The following FGF13 variants were observed in gnomAD, a reference collection of about 807,000 sequenced individuals.
FGF13 encodes fibroblast growth factor 13.
A neutral mutation model predicts 19.5 loss-of-function variants in FGF13; 2 were observed. That is an observed-to-expected ratio of 0.10 (90% CI 0.04 to 0.32). The LOEUF (loss-of-function observed/expected upper bound fraction) is 0.32. Ranked by LOEUF, FGF13 falls within the 10% of genes least tolerant of loss-of-function variation. The probability of loss-of-function intolerance (pLI) is 1.00; values close to 1 mark genes in which losing one functional copy is unlikely to be tolerated. For synonymous variants in FGF13, 72 were observed against 76.9 expected, an observed-to-expected ratio of 0.94 and a Z score of 0.33; for missense variants, 113 against 192.7, an observed-to-expected ratio of 0.59 and a Z score of 2.45.
At chrX:138,869,574 G>A (rs935122454) in intron 1 of FGF13, among the ~76,000 whole-genome samples, 1 of 111,773 alleles carries the variant, frequency 8.9e-6, no homozygotes, top group African/African-American at 3.3e-5. Flanking sequence ...GTTCAATTTG[G>A]CCCCAACATT....
intron 1 of FGF13, among the ~76,000 whole-genome samples, chrX:138,931,242 A>G (rs1176039107): frequency 9.0e-6 from 1 of 110,856 alleles, no homozygotes. Flanking sequence ...TGAATATGAC[A>G]GAAAAGGGCT....
At chrX:138,685,018 A>G (rs891512276) in intron 3 of FGF13, among the ~76,000 whole-genome samples, 3 of 112,230 alleles carry the variant, frequency 2.7e-5, no homozygotes, top group Non-Finnish European at 3.8e-5. Context: ...AGGAAAATGA[A>G]CTACTAAATA....
intron 1 of FGF13, among the ~76,000 whole-genome samples, chrX:138,950,016 C>T (rs1487665499): frequency 8.9e-6 from 1 of 111,792 alleles, no homozygotes; most frequent in Non-Finnish European, 1.9e-5. Flanking sequence ...CCTCTCCCTC[C>T]CCATCCCCTA....
chrX:138,721,831 AATAC>A (rs1220326356), intron 1 of FGF13, among the ~76,000 whole-genome samples: 6 of 110,420 alleles, frequency 5.4e-5, no homozygotes, highest in African/African-American at 2.0e-4. Context: ...ACATATATTA[AATAC>A]ATATATATAT....
intron 3 of FGF13, among the ~76,000 whole-genome samples, chrX:138,681,229 T>G (rs1016675476): frequency 1.8e-5 from 2 of 111,037 alleles, no homozygotes; most frequent in African/African-American, 6.5e-5. Context: ...GCCACCTTCA[T>G]CAATGATCTT....
chrX:138,818,499 GAC>G (rs371760908), intron 3 of FGF13, among the ~76,000 whole-genome samples: 6,005 of 84,574 alleles, frequency 0.071, 163 homozygotes, highest in South Asian at 0.11. Context: ...TATATGCACA[GAC>G]ACACACACAC....
At chrX:139,054,184 G>A (rs1249398289) in intron 1 of FGF13, among the ~76,000 whole-genome samples, 2 of 92,410 alleles carry the variant, frequency 2.2e-5, no homozygotes, top group Admixed American at 2.5e-4. Flanking sequence ...GTGCAGTGGC[G>A]CGATCTCGGC....
chrX:138,808,441 A>C (rs1343116452), intron 3 of FGF13, among the ~76,000 whole-genome samples: 2 of 112,067 alleles, frequency 1.8e-5, no homozygotes, highest in Non-Finnish European at 3.8e-5. Flanking sequence ...CATTTAAAGC[A>C]GTGTGCAGAG....
rs772774958 is a variant in FGF13, at chrX:138,764,320, C to T, written c.218-55392G>A. ...TAAAATCACATTCTATTTTTCTGCC[C>T]GAAATAAAGTTTGGATATGGAGCAA... On this transcript the variant is annotated intron_variant, in intron 3 of 6. Coordinates refer to the FGF13 transcript ENST00000436198. Among the ~76,000 whole-genome samples the T allele has an allele frequency of 8.0e-5, 9 of 111,918 alleles. No homozygotes were observed. The East Asian group carries it at 2.0e-3, about 24-fold the overall frequency.
chrX:138,675,597 T>G (rs973141612), intron 3 of FGF13, among the ~76,000 whole-genome samples: 1 of 111,443 alleles, frequency 9.0e-6, no homozygotes, highest in African/African-American at 3.3e-5. Context: ...ATATTACAAA[T>G]TCTATTTACT....
At chrX:138,963,808 A>G (rs2091884475) in intron 1 of FGF13, among the ~76,000 whole-genome samples, 1 of 112,113 alleles carries the variant, frequency 8.9e-6, no homozygotes, top group African/African-American at 3.2e-5. Context: ...ATGTTTAAAA[A>G]AGCAGTGTAG....
intron 3 of FGF13, among the ~76,000 whole-genome samples, chrX:138,635,876 G>C (rs1344627983): frequency 8.9e-6 from 1 of 112,132 alleles, no homozygotes; most frequent in Non-Finnish European, 1.9e-5. Context: ...AAGTGCTATT[G>C]ATCAATGATT....
chrX:139,047,746 G>A (rs1227037243), intron 1 of FGF13, among the ~76,000 whole-genome samples: 1 of 111,397 alleles, frequency 9.0e-6, no homozygotes, highest in Non-Finnish European at 1.9e-5. Flanking sequence ...GCATACAGTG[G>A]GTTTATCATA....
chrX:139,202,556 C>T lies in FGF13; in HGVS notation c.-113+860G>A, dbSNP rs747928129. Among the ~76,000 whole-genome samples, 11 of 111,659 alleles carry T rather than the reference C, an allele frequency of 9.9e-5. No homozygotes were observed. In the East Asian group the frequency reaches 3.1e-3, roughly 32 times the overall value. ...ACCCGTATGACAACGGATCTAACCC[C>T]TCCACAAACTTCCGGAACCTTCAGT... On this transcript the variant is annotated intron_variant, in intron 1 of 2. Transcript: ENST00000421460.
intron 3 of FGF13, among the ~76,000 whole-genome samples, chrX:138,781,855 A>AAAAAGAG (rs755518205): frequency 8.9e-6 from 1 of 112,118 alleles, no homozygotes; most frequent in Admixed American, 9.4e-5. Context: ...GACACAACGA[A>AAAAAGAG]AAAAGAGAAT....
At chrX:138,683,276 C>CA (rs1260826636) in intron 3 of FGF13, among the ~76,000 whole-genome samples, 2 of 110,321 alleles carry the variant, frequency 1.8e-5, no homozygotes, top group Admixed American at 9.8e-5. Context: ...GTTCCTCCTG[C>CA]AAAAAAATGT....
chrX:138,848,929 G>T (rs561486067), intron 3 of FGF13, among the ~76,000 whole-genome samples: 1 of 111,911 alleles, frequency 8.9e-6, no homozygotes, highest in Admixed American at 9.6e-5. Flanking sequence ...CATGAAGGAA[G>T]CAGTGATTTA....
intron 3 of FGF13, among the ~76,000 whole-genome samples, chrX:138,663,782 T>C (rs181160808): frequency 1.3e-3 from 140 of 111,376 alleles, no homozygotes; most frequent in African/African-American, 3.5e-3. Context: ...CAAATACAAT[T>C]TGTATCAGAA....
intron 3 of FGF13, among the ~76,000 whole-genome samples, chrX:138,654,666 G>A (rs370087670): frequency 3.5e-4 from 39 of 111,147 alleles, no homozygotes; most frequent in East Asian, 8.5e-4. Context: ...GCTTGAACCC[G>A]GGAGGCGGAG....
Sources: gnomAD v4.1 joint callset for allele counts (sites outside exome capture counted in the v4.1 genomes callset) on GRCh38, gnomAD v4.1.1 for gene constraint, MANE v1.5 for transcripts, NCBI Gene and HGNC (gene_info 2026-07-23, HGNC 2026-07-21) for gene names.